CTF1: variants seen among roughly 807,000 people sequenced by gnomAD.
CTF1 encodes the protein cardiotrophin-1.
CTF1 carries 9 observed loss-of-function variants against 10.9 expected under a neutral mutation model. That is an observed-to-expected ratio of 0.83 (90% CI 0.50 to 1.44). CTF1 has a LOEUF of 1.44. Ranked by LOEUF, CTF1 falls within the 40% of genes most tolerant of loss-of-function variation. The pLI, the probability that CTF1 is intolerant of heterozygous loss-of-function variation, is 0.00. For synonymous variants in CTF1, 133 were observed against 138.8 expected, an observed-to-expected ratio of 0.96 and a Z score of 0.29; for missense variants, 259 against 275.3, an observed-to-expected ratio of 0.94 and a Z score of 0.42.
chr16:30,902,072 C>T lies in CTF1; in HGVS notation c.145-6C>T. 6.9e-7 allele frequency: 1 copy of T among 1,451,204 alleles called. No individual in the cohort carries two copies. Among genetic ancestry groups the T allele is most frequent in the Non-Finnish European group, 9.1e-7 (1 of 1,101,456 alleles). 89.9% of individuals were successfully genotyped at this position (1,451,204 alleles called of 1,614,324 possible). ...CCCCGCTGACCCGCCGGCCGTGTCT[C>T]CGCAGGTGCAGCTCCAGGGAGACCC... On this transcript the variant is annotated splice_polypyrimidine_tract_variant and splice_region_variant and intron_variant, in intron 2 of 2. Transcript: ENST00000279804.
intron 2 of CTF1, among the ~76,000 whole-genome samples, chr16:30,901,182 C>T (rs572220223): frequency 6.6e-5 from 10 of 152,256 alleles, no homozygotes; most frequent in Admixed American, 3.3e-4. Context: ...CGTGAGTCAC[C>T]GTGCCCAGCC....
Position 30,899,706 on chromosome 16 carries a change from C to G in CTF1, c.144+173C>G, listed in dbSNP as rs184738333. On this transcript the variant is annotated intron_variant, in intron 2 of 2. Transcript: ENST00000279804. Reference sequence around the variant, plus strand: ...ACAGCAAATTGGAAGAGGACCCTGTCTGTGACCCAGATGCCACTCTGTCCT... The same window carrying G: ...ACAGCAAATTGGAAGAGGACCCTGTGTGTGACCCAGATGCCACTCTGTCCT... Among the ~76,000 whole-genome samples, 14 of 152,288 alleles carry G rather than the reference C, an allele frequency of 9.2e-5. No individual in the cohort carries two copies. The East Asian group carries it at 2.7e-3, about 29-fold the overall frequency.
chr16:30,902,783 C>A lies in CTF1; in HGVS notation c.*244C>A. ...AACCTCCTGGGCTCAAGCCATCCTTCCGCCTCAGCTTCCCCAGCAGCTGGG... is the reference window on the plus strand; with the variant it reads ...AACCTCCTGGGCTCAAGCCATCCTTACGCCTCAGCTTCCCCAGCAGCTGGG... On this transcript the variant is annotated 3_prime_UTR_variant, in exon 3 of 3. Transcript: ENST00000279804. The A allele has an allele frequency of 2.5e-6, 1 of 400,382 alleles. No individual in the cohort carries two copies. Among genetic ancestry groups the A allele is most frequent in the South Asian group, 8.2e-5 (1 of 12,174 alleles). 24.8% of individuals were successfully genotyped at this position (400,382 alleles called of 1,614,324 possible).
chr16:30,899,418 A>AC lies in CTF1; in HGVS notation c.34dup (p.Gln12ProfsTer3), dbSNP rs1567330378. ...TTCCTCCCCCCTTTCCCACCAGAAG[A>AC]CCCCCAGACTGATTCCTCAGTCTCA... is the stretch of plus-strand genomic sequence containing the variant. On this transcript the variant is annotated frameshift_variant, in exon 2 of 3. Coordinates refer to ENST00000279804, the MANE Select transcript of CTF1 (RefSeq NM_001330.5). LOFTEE classifies it high-confidence loss of function. 5 of 1,605,892 alleles carry AC rather than the reference A, an allele frequency of 3.1e-6. No homozygotes were observed. In the South Asian group the frequency reaches 4.4e-5, roughly 14 times the overall value.
chr16:30,898,399 G>A (rs1486366202), intron 1 of CTF1, among the ~76,000 whole-genome samples: 5 of 151,984 alleles, frequency 3.3e-5, no homozygotes, highest in East Asian at 1.9e-4. Context: ...TGATCCGCCC[G>A]CCTCATCCTC....
At chr16:30,895,857 C>T (rs540696648), upstream of CTF1, among the ~76,000 whole-genome samples, 4 of 152,286 alleles carry the variant, frequency 2.6e-5, no homozygotes, top group African/African-American at 9.6e-5. Flanking sequence ...CACACACACA[C>T]GGGCCTCCTC....
chr16:30,896,625 G>C lies in CTF1; in HGVS notation c.-19G>C. Reference sequence around the variant, plus strand: ...CGAAAGGGGGGCGTGAAGGGAGCCGGGATCAGCCAGGGGCCAGCATGAGCC... The same window carrying C: ...CGAAAGGGGGGCGTGAAGGGAGCCGCGATCAGCCAGGGGCCAGCATGAGCC... On this transcript the variant is annotated 5_prime_UTR_variant, in exon 1 of 3. Coordinates refer to ENST00000279804, the MANE Select transcript of CTF1 (RefSeq NM_001330.5). 1 of 1,253,404 alleles carries C rather than the reference G, an allele frequency of 8.0e-7. No individual in the cohort carries two copies. Among genetic ancestry groups the C allele is most frequent in the Non-Finnish European group, 1.0e-6 (1 of 990,400 alleles). The allele number at this position is 1,253,404 out of a possible 1,614,324, so 77.6% of individuals were successfully genotyped here.
At chr16:30,901,994 C>T in intron 2 of CTF1, 84 bp from the exon 3 acceptor site, 1 of 1,216,774 alleles carries the variant, frequency 8.2e-7, no homozygotes, top group Non-Finnish European at 1.1e-6. Flanking sequence ...ACTGACACCC[C>T]CAGAGAGCGG....
At chr16:30,900,980 G>A (rs1185025686) in intron 2 of CTF1, among the ~76,000 whole-genome samples, 3 of 150,504 alleles carry the variant, frequency 2.0e-5, no homozygotes, top group East Asian at 1.9e-4. Flanking sequence ...TGCAACCTCC[G>A]CCTCCCAGGT....
At chr16:30,898,162 ATTT>A (rs1368889898) in intron 1 of CTF1, among the ~76,000 whole-genome samples, 1 of 130,266 alleles carries the variant, frequency 7.7e-6, no homozygotes. Context: ...CGCCTGGACA[ATTT>A]TTTTTTTTTT....
intron 1 of CTF1, among the ~76,000 whole-genome samples, chr16:30,897,392 C>T (rs771021012): frequency 3.3e-5 from 5 of 152,164 alleles, no homozygotes; most frequent in Non-Finnish European, 7.3e-5. Context: ...TTGAAGTCCA[C>T]TAGCAGTCAC....
intron 2 of CTF1, among the ~76,000 whole-genome samples, chr16:30,900,129 A>G (rs1423180689): frequency 6.6e-6 from 1 of 152,130 alleles, no homozygotes; most frequent in South Asian, 2.1e-4. Context: ...TCTCTCCCCA[A>G]CAGTAAAAGG....
chr16:30,902,589 C>T lies in CTF1; in HGVS notation c.*50C>T. 4 of 1,454,276 alleles carry T rather than the reference C, an allele frequency of 2.8e-6. No homozygotes were observed. Among genetic ancestry groups the T allele is most frequent in the Non-Finnish European group, 3.6e-6 (4 of 1,101,912 alleles). The allele number at this position is 1,454,276 out of a possible 1,614,324, so 90.1% of individuals were successfully genotyped here. On this transcript the variant is annotated 3_prime_UTR_variant, in exon 3 of 3. Coordinates refer to ENST00000279804, the MANE Select transcript of CTF1 (RefSeq NM_001330.5). ...CTCCTCCCGCTGGGTTCCGTCTCTC[C>T]TTCCGCTTCTTTGTCTTTCTCTGCC...
chr16:30,902,597 T>A lies in CTF1; in HGVS notation c.*58T>A. The A allele has an allele frequency of 7.0e-7, 1 of 1,434,460 alleles. No homozygotes were observed. Among genetic ancestry groups the A allele is most frequent in the Non-Finnish European group, 9.2e-7 (1 of 1,090,232 alleles). The allele number at this position is 1,434,460 out of a possible 1,614,324, so 88.9% of individuals were successfully genotyped here. Reference sequence around the variant, plus strand: ...GCTGGGTTCCGTCTCTCCTTCCGCTTCTTTGTCTTTCTCTGCCGCTGTCGG... The same window carrying A: ...GCTGGGTTCCGTCTCTCCTTCCGCTACTTTGTCTTTCTCTGCCGCTGTCGG... On this transcript the variant is annotated 3_prime_UTR_variant, in exon 3 of 3. Transcript: ENST00000279804.
intron 2 of CTF1, among the ~76,000 whole-genome samples, chr16:30,900,951 T>C (rs1278459896): frequency 6.6e-6 from 1 of 151,340 alleles, no homozygotes; most frequent in Non-Finnish European, 1.5e-5. Context: ...TGGAGTGCAA[T>C]GGTGCGATCT....
chr16:30,903,161 CT>C lies in CTF1; in HGVS notation c.*623del. The C allele has an allele frequency of 6.5e-6, 1 of 152,798 alleles. No homozygotes were observed. The highest frequency in any genetic ancestry group is 6.5e-5 in the Admixed American group (1 of 15,280). The allele number at this position is 152,798 out of a possible 1,614,324, so 9.5% of individuals were successfully genotyped here. ...TTTTTCCATCCCCACTTCCTGCCTT[CT>C]CGTGGCCCTGTGTGAGCACATGTGT... On this transcript the variant is annotated 3_prime_UTR_variant, in exon 3 of 3. Coordinates refer to ENST00000279804, the MANE Select transcript of CTF1 (RefSeq NM_001330.5).
intron 1 of CTF1, among the ~76,000 whole-genome samples, chr16:30,898,461 T>G (rs2055373300): frequency 1.3e-5 from 2 of 151,990 alleles, no homozygotes; most frequent in Non-Finnish European, 2.9e-5. Context: ...CCTGGCTAAT[T>G]TTTGTATTTT....
chr16:30,899,551 T>TGGGGGGGGGGGGGG lies in CTF1; in HGVS notation c.144+23_144+24insGGGGGGGGGGGGGG. On this transcript the variant is annotated intron_variant, in intron 2 of 2. Transcript: ENST00000279804. ...AGGAATATGTGAGTGGGAATGGGGG[T>TGGGGGGGGGGGGGG]GGGGGTGCCGGGGGCCTGGGGAATG... The TGGGGGGGGGGGGGG allele has an allele frequency of 2.3e-6, 1 of 435,294 alleles. No individual in the cohort carries two copies. The highest frequency in any genetic ancestry group is 4.2e-6 in the Non-Finnish European group (1 of 240,236). The allele number at this position is 435,294 out of a possible 1,614,324, so 27.0% of individuals were successfully genotyped here.
intron 2 of CTF1, among the ~76,000 whole-genome samples, chr16:30,901,701 C>G (rs2055401141): frequency 6.6e-6 from 1 of 151,476 alleles, no homozygotes; most frequent in Non-Finnish European, 1.5e-5. Context: ...GCCTCAGCCT[C>G]CGGAACAGCT....
Sources: gnomAD v4.1 joint callset for allele counts (sites outside exome capture counted in the v4.1 genomes callset) on GRCh38, gnomAD v4.1.1 for gene constraint, MANE v1.5 for transcripts, NCBI Gene and HGNC (gene_info 2026-07-23, HGNC 2026-07-21) for gene names.